SNX29: variants seen among roughly 807,000 people sequenced by gnomAD.
The protein encoded by SNX29 is sorting nexin-29.
A neutral mutation model predicts 102.1 loss-of-function variants in SNX29; 78 were observed. The ratio of observed to expected loss-of-function variants is 0.76; its 90% CI spans 0.64 to 0.92. SNX29 has a LOEUF of 0.92. Among genes scored for constraint, SNX29 ranks in the 40% least tolerant of loss-of-function variants. SNX29 has a pLI of 0.00. For synonymous variants in SNX29, 580 were observed against 414.5 expected (o/e 1.40, Z -4.85); for missense variants, 1,280 against 1,061.7 (o/e 1.21, Z -2.86).
chr16:12,261,000 T>TC (rs2078732283), intron 14 of SNX29, among the ~76,000 whole-genome samples: 8 of 81,682 alleles, frequency 9.8e-5, no homozygotes, highest in Admixed American at 2.4e-4. Context: ...TGAGTGTTTG[T>TC]TGAGCTCGGG....
At chr16:12,541,555 C>G (rs896915467) in intron 20 of SNX29, among the ~76,000 whole-genome samples, 3 of 152,044 alleles carry the variant, frequency 2.0e-5, no homozygotes, top group Admixed American at 6.6e-5. Context: ...CCTCCCTTTT[C>G]AAGCTGCCAA....
chr16:12,538,737 G>A (rs958355040), intron 20 of SNX29, among the ~76,000 whole-genome samples: 2 of 152,154 alleles, frequency 1.3e-5, no homozygotes, highest in African/African-American at 4.8e-5. Context: ...GACAGGAGAA[G>A]CACACCCATA....
At chr16:12,242,655 CTT>C (rs1355069010) in intron 14 of SNX29, among the ~76,000 whole-genome samples, 4 of 149,142 alleles carry the variant, frequency 2.7e-5, no homozygotes, top group African/African-American at 5.0e-5. Flanking sequence ...CTTGTCTTCT[CTT>C]CTCTTTTTTT....
chr16:12,399,867 C>G (rs149477427), intron 17 of SNX29, among the ~76,000 whole-genome samples: 1 of 152,034 alleles, frequency 6.6e-6, no homozygotes, highest in East Asian at 1.9e-4. Context: ...GCTCCTGGAA[C>G]GGCAGAGTCC....
chr16:12,543,487 G>A (rs141749857), intron 20 of SNX29, among the ~76,000 whole-genome samples: 7 of 152,304 alleles, frequency 4.6e-5, no homozygotes, highest in African/African-American at 1.7e-4. Context: ...TAAAGCCACA[G>A]CCACCTGTGC....
Position 12,334,489 on chromosome 16 carries a change from A to T in SNX29, c.1783-21674A>T, listed in dbSNP as rs75294082. Among the ~76,000 whole-genome samples, 34 of 152,308 alleles carry T rather than the reference A, an allele frequency of 2.2e-4. No individual in the cohort carries two copies. The East Asian group carries it at 5.8e-3, about 26-fold the overall frequency. The stretch of plus-strand genomic sequence containing the variant: ...ATGATTTCACTTAATCTTGATGCAT[A>T]AAACAGGGACACAGGGATGCTATTC... On this transcript the variant is annotated intron_variant, in intron 15 of 20. Transcript: ENST00000566228.
chr16:12,514,111 C>T (rs1035627806), intron 19 of SNX29, among the ~76,000 whole-genome samples: 2 of 152,344 alleles, frequency 1.3e-5, no homozygotes, highest in Admixed American at 6.5e-5. Flanking sequence ...AGTTCCACAC[C>T]TCCCAGCTGG....
At chr16:12,274,374 G>A (rs2079181592) in intron 14 of SNX29, among the ~76,000 whole-genome samples, 1 of 152,114 alleles carries the variant, frequency 6.6e-6, no homozygotes, top group South Asian at 2.1e-4. Context: ...TGTGAGTGAG[G>A]CTTGCTTTTG....
intron 19 of SNX29, among the ~76,000 whole-genome samples, chr16:12,480,786 G>C (rs1001633608): frequency 6.6e-6 from 1 of 152,208 alleles, no homozygotes; most frequent in Non-Finnish European, 1.5e-5. Flanking sequence ...AGGAGTGGGA[G>C]GGTTTTTCTG....
At chr16:12,013,593 ATG>A (rs1391592491) in intron 3 of SNX29, among the ~76,000 whole-genome samples, 5 of 139,858 alleles carry the variant, frequency 3.6e-5, no homozygotes, top group Non-Finnish European at 6.1e-5. Flanking sequence ...GAAAGCAGGA[ATG>A]AAAAGAAATA....
intron 15 of SNX29, among the ~76,000 whole-genome samples, chr16:12,328,878 A>C (rs183388800): frequency 6.6e-6 from 1 of 152,166 alleles, no homozygotes; most frequent in Admixed American, 6.5e-5. Context: ...TGGATGTGGG[A>C]GCTGAAGCGA....
chr16:12,562,607 C>G (rs767562203), intron 20 of SNX29, among the ~76,000 whole-genome samples: 1 of 152,188 alleles, frequency 6.6e-6, no homozygotes, highest in Non-Finnish European at 1.5e-5. Flanking sequence ...AGGTCGCTGG[C>G]TCTTGAGAGC....
In SNX29 at chr16:12,048,594, C is replaced by G. The variant is rs1309905896; in HGVS notation, c.722C>G (p.Pro241Arg). Residue 241 changes from proline (P) to arginine (R), a missense_variant, in exon 7 of 21, where the codon CCT becomes CGT. Transcript: ENST00000566228. Reference protein sequence around the residue: ...IKPEQETDPLPVVSRNVSADA... With the variant: ...IKPEQETDPLRVVSRNVSADA... Reference sequence around the variant, plus strand: ...CCTGAACAGGAGACCGACCCCTTGCCTGTCGTGTCCAGGAATGTCAGTGCT... The same window carrying G: ...CCTGAACAGGAGACCGACCCCTTGCGTGTCGTGTCCAGGAATGTCAGTGCT... 1.9e-6 allele frequency: 3 copies of G among 1,613,818 alleles called. No individual in the cohort carries two copies. Among genetic ancestry groups the G allele is most frequent in the African/African-American group, 1.3e-5 (1 of 74,906 alleles).
At chr16:12,126,281 T>C (rs2054210753) in intron 11 of SNX29, among the ~76,000 whole-genome samples, 1 of 152,262 alleles carries the variant, frequency 6.6e-6, no homozygotes, top group Admixed American at 6.5e-5. Flanking sequence ...GCACCATTCC[T>C]AAGCATCTCA....
chr16:12,435,900 G>T (rs2085511959), intron 18 of SNX29, among the ~76,000 whole-genome samples: 7 of 152,162 alleles, frequency 4.6e-5, no homozygotes. Flanking sequence ...GCAGGAAGCA[G>T]AGCTAGGGAG....
At chr16:12,526,954 C>T (rs1272921587) in intron 20 of SNX29, 2 of 388,832 alleles carry the variant, frequency 5.1e-6, no homozygotes, top group East Asian at 4.3e-5. Context: ...GCCTAATTAG[C>T]ACGCAGAACA....
chr16:12,397,723 A>G (rs1374455752), intron 16 of SNX29, among the ~76,000 whole-genome samples: 5 of 152,218 alleles, frequency 3.3e-5, no homozygotes, highest in African/African-American at 7.2e-5. Flanking sequence ...TCTGCTTTAC[A>G]TAATAATTGC....
At chr16:12,554,801 A>T (rs146873726) in intron 20 of SNX29, among the ~76,000 whole-genome samples, 6 of 152,186 alleles carry the variant, frequency 3.9e-5, no homozygotes, top group African/African-American at 1.4e-4. Context: ...TTTATTCTAG[A>T]AATTTGTATT....
chr16:12,214,307 C>G lies in SNX29; in HGVS notation c.1678+14624C>G, dbSNP rs79337098. 5.3e-5 allele frequency among the ~76,000 whole-genome samples: 8 copies of G among 152,282 alleles called. 1 individual carries two copies. The East Asian group carries it at 7.7e-4, about 15-fold the overall frequency. On this transcript the variant is annotated intron_variant, in intron 14 of 20. Transcript: ENST00000566228. ...GCTCCCTCCTCGGAAGGAGGCCAGACGTATATTTATTGTTGTCGTCATTAA... is the reference window on the plus strand; with the variant it reads ...GCTCCCTCCTCGGAAGGAGGCCAGAGGTATATTTATTGTTGTCGTCATTAA...
Sources: allele counts gnomAD v4.1 joint callset (sites outside exome capture counted in the v4.1 genomes callset), GRCh38; gene constraint gnomAD v4.1.1; transcripts MANE v1.5; gene names NCBI Gene and HGNC (gene_info 2026-07-23, HGNC 2026-07-21).